The following ADGRL2 variants were observed in gnomAD, a reference collection of about 807,000 sequenced individuals.
ADGRL2 encodes calcium-independent alpha-latrotoxin receptor 2.
ADGRL2 carries 44 observed loss-of-function variants against 157.4 expected under a neutral mutation model. The observed-to-expected ratio is 0.28, with a 90% confidence interval of 0.22 to 0.36. ADGRL2 has a LOEUF of 0.36. Ranked by LOEUF, ADGRL2 falls within the 10% of genes least tolerant of loss-of-function variation. The pLI, the probability that ADGRL2 is intolerant of heterozygous loss-of-function variation, is 1.00. For synonymous variants in ADGRL2, 585 were observed against 624.7 expected (o/e 0.94, Z 0.95); for missense variants, 1,510 against 1,768.9 (o/e 0.85, Z 2.63).
chr1:81,872,944 T>C (rs1455381971), intron 2 of ADGRL2, among the ~76,000 whole-genome samples: 1 of 152,162 alleles, frequency 6.6e-6, no homozygotes, highest in Non-Finnish European at 1.5e-5. Flanking sequence ...CTTATTTTTT[T>C]CAGCTATATC....
intron 2 of ADGRL2, among the ~76,000 whole-genome samples, chr1:81,858,984 G>A (rs1359105205): frequency 6.6e-6 from 1 of 152,108 alleles, no homozygotes; most frequent in East Asian, 1.9e-4. Context: ...TGTTGACTGA[G>A]TAAATGTAAT....
At chr1:81,787,838 T>C (rs1156877835) in intron 2 of ADGRL2, among the ~76,000 whole-genome samples, 1 of 152,064 alleles carries the variant, frequency 6.6e-6, no homozygotes, top group East Asian at 1.9e-4. Flanking sequence ...AATGAGGTAA[T>C]ACATATACAA....
chr1:81,719,711 A>G (rs1008976542), intron 1 of ADGRL2, among the ~76,000 whole-genome samples: 8 of 152,150 alleles, frequency 5.3e-5, no homozygotes, highest in African/African-American at 1.9e-4. Flanking sequence ...TTCCAGGTGC[A>G]TCATATATCA....
intron 3 of ADGRL2, among the ~76,000 whole-genome samples, chr1:81,595,115 T>A (rs992496335): frequency 6.6e-6 from 1 of 151,832 alleles, no homozygotes; most frequent in African/African-American, 2.4e-5. Context: ...AATAATAGAG[T>A]GTGACATGTG....
intron 3 of ADGRL2, among the ~76,000 whole-genome samples, chr1:81,585,440 G>A (rs2081006426): frequency 1.3e-5 from 2 of 152,098 alleles, no homozygotes; most frequent in Admixed American, 1.3e-4. Flanking sequence ...AACAGGAAGG[G>A]TGGGGACAGA....
At chr1:81,317,959 T>A (rs1367383716) in intron 1 of ADGRL2, among the ~76,000 whole-genome samples, 2 of 152,184 alleles carry the variant, frequency 1.3e-5, no homozygotes. Flanking sequence ...ATTCCGTGAT[T>A]GTATCATAAA....
At chr1:81,779,376 AT>A (rs955548674) in intron 2 of ADGRL2, among the ~76,000 whole-genome samples, 1 of 146,936 alleles carries the variant, frequency 6.8e-6, no homozygotes, top group Non-Finnish European at 1.5e-5. Flanking sequence ...ACATAAAAGA[AT>A]AAAGATGCTT....
At chr1:81,538,509 T>G (rs2079800483) in intron 2 of ADGRL2, among the ~76,000 whole-genome samples, 1 of 152,204 alleles carries the variant, frequency 6.6e-6, no homozygotes, top group South Asian at 2.1e-4. Context: ...ATTTCTGAAA[T>G]TATTCATGGT....
At chr1:81,340,135 G>T (rs1325569215) in intron 1 of ADGRL2, among the ~76,000 whole-genome samples, 1 of 152,196 alleles carries the variant, frequency 6.6e-6, no homozygotes, top group African/African-American at 2.4e-5. Context: ...ATATTTGCAA[G>T]AGGGTGCTTT....
intron 2 of ADGRL2, among the ~76,000 whole-genome samples, chr1:81,552,735 TAAGCAAAAC>T (rs1329561244): frequency 1.3e-5 from 2 of 152,098 alleles, no homozygotes; most frequent in African/African-American, 4.8e-5. Flanking sequence ...ATTGCTCAAG[TAAGCAAAAC>T]TAAAAGCATT....
chr1:81,513,313 T>G (rs1017946235), intron 2 of ADGRL2, among the ~76,000 whole-genome samples: 1 of 152,148 alleles, frequency 6.6e-6, no homozygotes, highest in Non-Finnish European at 1.5e-5. Context: ...GAATAGACAA[T>G]GGGTGTTGTT....
intron 2 of ADGRL2, among the ~76,000 whole-genome samples, chr1:81,526,310 T>C (rs1185662794): frequency 1.3e-5 from 2 of 152,204 alleles, no homozygotes; most frequent in South Asian, 2.1e-4. Flanking sequence ...AAAGTTATGA[T>C]ATAAAAACCC....
In ADGRL2 at chr1:81,561,358, T is replaced by C. The variant is rs916998156; in HGVS notation, c.-247-19518T>C. On this transcript the variant is annotated intron_variant, in intron 2 of 24. Coordinates refer to the ADGRL2 transcript ENST00000370721. Reference sequence around the variant, plus strand: ...ATAATAGGTGCTAAATACATATTACTGTAAGATTTCTCTTTTTTATATATT... The same window carrying C: ...ATAATAGGTGCTAAATACATATTACCGTAAGATTTCTCTTTTTTATATATT... 2.6e-5 allele frequency among the ~76,000 whole-genome samples: 4 copies of C among 152,090 alleles called. 1 individual carries two copies. In the East Asian group the frequency reaches 7.7e-4, roughly 29 times the overall value.
chr1:81,855,081 A>C (rs2150604512), intron 2 of ADGRL2, among the ~76,000 whole-genome samples: 1 of 152,294 alleles, frequency 6.6e-6, no homozygotes, highest in African/African-American at 2.4e-5. Context: ...GGGAATTAAC[A>C]TAAACAAGTG....
chr1:81,574,236 A>AG (rs893771375), intron 2 of ADGRL2, among the ~76,000 whole-genome samples: 1 of 128,954 alleles, frequency 7.8e-6, no homozygotes, highest in Non-Finnish European at 1.6e-5. Context: ...GGGGAGGGGG[A>AG]GGGGGAGGAT....
intron 1 of ADGRL2, among the ~76,000 whole-genome samples, chr1:81,342,165 T>C (rs1182765996): frequency 1.3e-5 from 2 of 152,180 alleles, no homozygotes; most frequent in Non-Finnish European, 2.9e-5. Context: ...ATAACCATTT[T>C]AAGAACAACC....
chr1:81,369,200 T>G (rs1454584091), intron 1 of ADGRL2, among the ~76,000 whole-genome samples: 1 of 151,850 alleles, frequency 6.6e-6, no homozygotes. Context: ...GAGAGAGAGA[T>G]AGTGATACAT....
chr1:81,458,241 T>C (rs961518157), intron 2 of ADGRL2, among the ~76,000 whole-genome samples: 3 of 150,430 alleles, frequency 2.0e-5, no homozygotes, highest in Non-Finnish European at 3.0e-5. Context: ...GTAAGAATAC[T>C]TACCATGAGA....
At chr1:81,318,463 G>A (rs958865965) in intron 1 of ADGRL2, among the ~76,000 whole-genome samples, 11 of 152,100 alleles carry the variant, frequency 7.2e-5, no homozygotes, top group Non-Finnish European at 1.5e-4. Context: ...TCTGTAAAAT[G>A]GGGGCAATAC....
Sources: gnomAD v4.1 joint callset for allele counts (sites outside exome capture counted in the v4.1 genomes callset) on GRCh38, gnomAD v4.1.1 for gene constraint, MANE v1.5 for transcripts, NCBI Gene and HGNC (gene_info 2026-07-23, HGNC 2026-07-21) for gene names.